Variants in GALNTL6 observed in about 807,000 individuals in gnomAD.
The protein encoded by GALNTL6 is polypeptide N-acetylgalactosaminyltransferase-like 6.
In GALNTL6, 46 loss-of-function variants were observed where a neutral mutation model predicts 73.7. That is an observed-to-expected ratio of 0.62 (90% confidence interval 0.49 to 0.80). The LOEUF (loss-of-function observed/expected upper bound fraction) is 0.80, where lower values mean the gene tolerates loss of function less well. GALNTL6 is among the 30% of genes least tolerant of loss of function. The pLI is 0.00. For missense variants in GALNTL6, 604 were observed against 755.0 expected (o/e 0.80, Z 2.34); for synonymous variants, 259 against 263.7 (o/e 0.98, Z 0.17).
intron 2 of GALNTL6, among the ~76,000 whole-genome samples, chr4:172,185,114 TTGAGC>T (rs1735378566): frequency 6.6e-6 from 1 of 152,208 alleles, no homozygotes; most frequent in Non-Finnish European, 1.5e-5. Flanking sequence ...GCCCTGTGCC[TTGAGC>T]TGAGGCCAAT....
intron 5 of GALNTL6, among the ~76,000 whole-genome samples, chr4:172,473,785 T>A (rs139018584): frequency 6.6e-6 from 1 of 152,336 alleles, no homozygotes; most frequent in African/African-American, 2.4e-5. Context: ...CCTGAGTTAA[T>A]CTGTATGCCT....
chr4:171,835,963 G>A (rs1489946944), intron 2 of GALNTL6, among the ~76,000 whole-genome samples: 2 of 152,042 alleles, frequency 1.3e-5, no homozygotes, highest in East Asian at 3.9e-4. Flanking sequence ...GAACGAGGTA[G>A]AAAAATATTG....
At chr4:172,658,092 G>A (rs1435185958) in intron 5 of GALNTL6, among the ~76,000 whole-genome samples, 1 of 107,810 alleles carries the variant, frequency 9.3e-6, no homozygotes, top group East Asian at 3.0e-4. Context: ...GGAGCTTGCA[G>A]TGAGCCGAGA....
intron 2 of GALNTL6, among the ~76,000 whole-genome samples, chr4:172,132,276 G>A (rs567413534): frequency 6.6e-6 from 1 of 152,182 alleles, no homozygotes; most frequent in African/African-American, 2.4e-5. Flanking sequence ...CTTTATATCA[G>A]TGGTGTAGTA....
chr4:172,438,948 A>C (rs1048049193), intron 5 of GALNTL6, among the ~76,000 whole-genome samples: 1 of 151,954 alleles, frequency 6.6e-6, no homozygotes, highest in African/African-American at 2.4e-5. Flanking sequence ...CTTCTTTTCT[A>C]TGCCTATGAA....
intron 10 of GALNTL6, among the ~76,000 whole-genome samples, chr4:172,952,947 C>T (rs777019432): frequency 1.3e-5 from 2 of 152,224 alleles, no homozygotes; most frequent in Non-Finnish European, 2.9e-5. Flanking sequence ...GTGATAAAAA[C>T]CCTCTGTCCT....
intron 9 of GALNTL6, among the ~76,000 whole-genome samples, chr4:172,944,822 G>C (rs190131754): frequency 6.6e-6 from 1 of 152,248 alleles, no homozygotes; most frequent in East Asian, 1.9e-4. Context: ...TTGGGAGGCT[G>C]AGACAGGAGG....
At chr4:172,857,810 T>C (rs28718496) in intron 7 of GALNTL6, among the ~76,000 whole-genome samples, 98,235 of 152,096 alleles carry the variant, frequency 0.65, 33,537 homozygotes, top group East Asian at 0.91. Context: ...AAAATAATCC[T>C]CAATAAAGCA....
intron 8 of GALNTL6, among the ~76,000 whole-genome samples, chr4:172,904,246 G>A (rs983042849): frequency 2.6e-5 from 4 of 152,158 alleles, no homozygotes; most frequent in African/African-American, 9.7e-5. Context: ...ATTCAGTGTA[G>A]CCTATAGGTT....
At chr4:172,775,385 A>G (rs1354186562) in intron 5 of GALNTL6, among the ~76,000 whole-genome samples, 1 of 152,222 alleles carries the variant, frequency 6.6e-6, no homozygotes, top group Non-Finnish European at 1.5e-5. Context: ...TAACTGCACC[A>G]TTTTGAGACC....
chr4:172,964,107 C>A (rs1239976169), intron 10 of GALNTL6, among the ~76,000 whole-genome samples: 1 of 152,144 alleles, frequency 6.6e-6, no homozygotes. Flanking sequence ...AATGTGCTTT[C>A]CCCCATGCTA....
At position 172,528,934 on chromosome 4, in the gene GALNTL6, A is replaced by C. The variant is rs1257813669; in HGVS notation, c.553+180245A>C. ...TGCAGATGAGGAAACTGCTTCAGAG[A>C]CTTTGTTTTCCCAAAGGCATATATA... On this transcript the variant is annotated intron_variant, in intron 5 of 12. Coordinates refer to ENST00000506823, the MANE Select transcript of GALNTL6 (RefSeq NM_001034845.3). Among the ~76,000 whole-genome samples the C allele has an allele frequency of 6.4e-5, 2 of 31,232 alleles. 1 individual carries two copies. The highest frequency in any genetic ancestry group is 1.6e-4 in the African/African-American group (2 of 12,836). The allele number at this position is 31,232 out of a possible 152,430, so 20.5% of individuals were successfully genotyped here.
chr4:172,752,033 A>G (rs1737452296), intron 5 of GALNTL6, among the ~76,000 whole-genome samples: 1 of 138,910 alleles, frequency 7.2e-6, no homozygotes, highest in Admixed American at 7.9e-5. Flanking sequence ...AGTAATCCAT[A>G]TCAACTTAAA....
intron 2 of GALNTL6, among the ~76,000 whole-genome samples, chr4:172,130,194 T>TG (rs1733449879): frequency 6.6e-6 from 1 of 150,760 alleles, no homozygotes; most frequent in Non-Finnish European, 1.5e-5. Context: ...TTTTTTTTTT[T>TG]TTTTTTTTAG....
intron 2 of GALNTL6, among the ~76,000 whole-genome samples, chr4:172,022,374 T>G (rs1741432182): frequency 6.6e-6 from 1 of 152,050 alleles, no homozygotes. Context: ...ATTTCATCAA[T>G]ATTCTTGATC....
chr4:172,843,480 G>A (rs1370030908), intron 7 of GALNTL6, among the ~76,000 whole-genome samples: 1 of 152,142 alleles, frequency 6.6e-6, no homozygotes, highest in African/African-American at 2.4e-5. Context: ...ACAGCCTCCT[G>A]CACTGAGGGA....
At chr4:172,203,696 T>C (rs1454482518) in intron 2 of GALNTL6, among the ~76,000 whole-genome samples, 1 of 152,178 alleles carries the variant, frequency 6.6e-6, no homozygotes, top group Non-Finnish European at 1.5e-5. Flanking sequence ...GATATTTTCC[T>C]TCTCTATGAA....
At chr4:172,202,938 T>C (rs67822924) in intron 2 of GALNTL6, among the ~76,000 whole-genome samples, 4,911 of 152,200 alleles carry the variant, frequency 0.032, 251 homozygotes, top group African/African-American at 0.11. Context: ...AGGAAAACAA[T>C]TGAAAAAAAT....
intron 8 of GALNTL6, among the ~76,000 whole-genome samples, chr4:172,885,412 G>T (rs796322588): frequency 2.8e-4 from 42 of 152,234 alleles, no homozygotes; most frequent in African/African-American, 7.9e-4. Flanking sequence ...ATTTCTGTTA[G>T]TGTATAGCAA....
Sources: gnomAD v4.1 joint callset for allele counts (sites outside exome capture counted in the v4.1 genomes callset) on GRCh38, gnomAD v4.1.1 for gene constraint, MANE v1.5 for transcripts, NCBI Gene and HGNC (gene_info 2026-07-23, HGNC 2026-07-21) for gene names.